NCOR2: variants seen among roughly 807,000 people sequenced by gnomAD.
NCOR2 encodes the protein nuclear receptor corepressor 2, also known as CTG repeat protein 26.
In NCOR2, 81 loss-of-function variants were observed where a neutral mutation model predicts 262.9. The observed-to-expected ratio is 0.31, with a 90% confidence interval of 0.26 to 0.37. The LOEUF is 0.37. Among genes scored for constraint, NCOR2 ranks in the 10% least tolerant of loss-of-function variants. The pLI, the probability that NCOR2 is intolerant of heterozygous loss-of-function variation, is 1.00. For missense variants in NCOR2, 3,385 were observed against 3,621.4 expected, an observed-to-expected ratio of 0.93 and a Z score of 1.68; for synonymous variants, 1,659 against 1,559.3, an observed-to-expected ratio of 1.06 and a Z score of -1.51.
At chr12:124,492,573 T>C (rs1454910213) in intron 1 of NCOR2, among the ~76,000 whole-genome samples, 1 of 152,138 alleles carries the variant, frequency 6.6e-6, no homozygotes, top group Non-Finnish European at 1.5e-5. Flanking sequence ...CAGAATGGCC[T>C]CGGCTACTGT....
At chr12:124,340,897 C>A in intron 34 of NCOR2, 146 bp from the exon 37 acceptor site, 1 of 755,646 alleles carries the variant, frequency 1.3e-6, no homozygotes, top group Non-Finnish European at 1.8e-6. Flanking sequence ...CGGCTCCCAG[C>A]ACCAGCCATG....
At chr12:124,449,737 A>G in intron 7 of NCOR2, 78 bp downstream of exon 9, 2 of 1,528,010 alleles carry the variant, frequency 1.3e-6, no homozygotes, top group South Asian at 2.3e-5. Flanking sequence ...CCCACGTCCC[A>G]CATCCCATGC....
chr12:124,442,605 A>G (rs996658287), intron 7 of NCOR2, among the ~76,000 whole-genome samples: 4 of 152,262 alleles, frequency 2.6e-5, no homozygotes, highest in African/African-American at 9.6e-5. Flanking sequence ...ACAAAAGAAG[A>G]GAGATAGAAT....
At chr12:124,539,879 CTCG>C (rs1283143667), upstream of NCOR2, among the ~76,000 whole-genome samples, 1 of 152,200 alleles carries the variant, frequency 6.6e-6, no homozygotes, top group African/African-American at 2.4e-5. This position sits in a 1 kb window ranked among gnomAD's most constrained non-coding sequence, Gnocchi z 5.1. Flanking sequence ...GCCAACCTGA[CTCG>C]TCCATTCGCC....
At chr12:124,518,492 G>A (rs975086901) in intron 1 of NCOR2, among the ~76,000 whole-genome samples, 13 of 152,336 alleles carry the variant, frequency 8.5e-5, no homozygotes, top group South Asian at 8.3e-4. Context: ...CGACAAGTGC[G>A]GGGCCGCCTG....
At chr12:124,425,534 C>T (rs958261413) in intron 11 of NCOR2, among the ~76,000 whole-genome samples, 1 of 152,002 alleles carries the variant, frequency 6.6e-6, no homozygotes, top group South Asian at 2.1e-4. Flanking sequence ...TTAGATTCCC[C>T]GGAATTATAG....
At chr12:124,423,210 C>T (rs529732037) in intron 11 of NCOR2, among the ~76,000 whole-genome samples, 3 of 152,242 alleles carry the variant, frequency 2.0e-5, no homozygotes, top group African/African-American at 7.2e-5. Context: ...GCCAAAGGAG[C>T]GGGAGCATGG....
chr12:124,404,275 G>C (rs1052684908), intron 13 of NCOR2, among the ~76,000 whole-genome samples: 1 of 152,192 alleles, frequency 6.6e-6, no homozygotes, highest in South Asian at 2.1e-4. Flanking sequence ...CATGGATGCC[G>C]TCTCCCCGGG....
chr12:124,418,407 G>C (rs146801141), intron 13 of NCOR2, among the ~76,000 whole-genome samples: 1 of 152,152 alleles, frequency 6.6e-6, no homozygotes, highest in Non-Finnish European at 1.5e-5. Flanking sequence ...CTGGGACCCC[G>C]CCCCCAACCC....
chr12:124,469,009 C>T lies in NCOR2; in HGVS notation c.592-2723G>A, dbSNP rs139814619. ...TCATCCTCATCACCCCCATCATCCTCATCCTCATCTGTCCATGTATGAACC... is the reference window on the plus strand; with the variant it reads ...TCATCCTCATCACCCCCATCATCCTTATCCTCATCTGTCCATGTATGAACC... On this transcript the variant is annotated intron_variant, in intron 4 of 46. Transcript: ENST00000405201. Among the ~76,000 whole-genome samples the T allele has an allele frequency of 1.5e-3, 222 of 145,350 alleles. 1 individual carries two copies. Among genetic ancestry groups the T allele is most frequent in the African/African-American group, 5.3e-3 (208 of 38,880 alleles).
rs147159254 is a variant in NCOR2, at chr12:124,521,105, CA to C, written c.-118+14459del. Among the ~76,000 whole-genome samples the C allele has an allele frequency of 8.9e-3, 1,359 of 152,270 alleles. 21 individuals are homozygous for C. Among genetic ancestry groups the C allele is most frequent in the African/African-American group, 0.03 (1,246 of 41,542 alleles). The stretch of plus-strand genomic sequence containing the variant: ...CAACAGAAACTACATGTGTGGGGCC[CA>C]GGGGGGAGGTGGGGGCCAGAACTCT... On this transcript the variant is annotated intron_variant, in intron 1 of 46. Transcript: ENST00000404621.
chr12:124,377,512 T>C (rs952412632), intron 18 of NCOR2, among the ~76,000 whole-genome samples: 4 of 152,206 alleles, frequency 2.6e-5, no homozygotes, highest in African/African-American at 7.2e-5. Context: ...GTTCTATTTA[T>C]GCTGGTTACC....
At chr12:124,507,762 G>C (rs576116625) in intron 1 of NCOR2, among the ~76,000 whole-genome samples, 12 of 152,336 alleles carry the variant, frequency 7.9e-5, no homozygotes, top group African/African-American at 2.9e-4. Flanking sequence ...CCTTCTCTCT[G>C]CCCACCAGTC....
At chr12:124,367,438 C>T (rs1042795731) in intron 20 of NCOR2, among the ~76,000 whole-genome samples, 2 of 152,088 alleles carry the variant, frequency 1.3e-5, no homozygotes, top group East Asian at 1.9e-4. Context: ...TTCAAGTTCT[C>T]GAGGGGAACG....
Position 124,493,997 on chromosome 12 carries a change from G to A in NCOR2, c.105+1150C>T, listed in dbSNP as rs566798196. 7.9e-5 allele frequency among the ~76,000 whole-genome samples: 12 copies of A among 152,282 alleles called. No individual in the cohort carries two copies. The East Asian group carries it at 2.1e-3, about 27-fold the overall frequency. On this transcript the variant is annotated intron_variant, in intron 1 of 46. Coordinates refer to ENST00000405201, the Ensembl canonical transcript of NCOR2. ...GGAGAATGCAATGACTCTGCCCAGG[G>A]AACTGCCGTCCTAAGAGGGATCCAC...
chr12:124,440,632 A>C lies in NCOR2; in HGVS notation c.816-2636T>G, dbSNP rs2044751663. Among the ~76,000 whole-genome samples, 1 of 152,248 alleles carries C rather than the reference A, an allele frequency of 6.6e-6. No homozygotes were observed. Among genetic ancestry groups the C allele is most frequent in the African/African-American group, 2.4e-5 (1 of 41,472 alleles). ...CCAGGCACTGTTCCAGGTGCTGGGGACACAGCAGGGAGCAAGACACAGTTG... is the reference window on the plus strand; with the variant it reads ...CCAGGCACTGTTCCAGGTGCTGGGGCCACAGCAGGGAGCAAGACACAGTTG... On this transcript the variant is annotated intron_variant, in intron 7 of 46. Transcript: ENST00000405201. The surrounding 1 kb of genome is among the most constrained non-coding windows in gnomAD (Gnocchi z 5.7).
chr12:124,372,730 G>T, intron 19 of NCOR2, 120 bp from the exon 22 acceptor site: 1 of 847,070 alleles, frequency 1.2e-6, no homozygotes, highest in Non-Finnish European at 1.8e-6. Flanking sequence ...ACAGCCCCGA[G>T]GCTCCTACAC....
Position 124,378,220 on chromosome 12 carries a change from G to A in NCOR2, c.2167+17C>T. 1 of 1,609,816 alleles carries A rather than the reference G, an allele frequency of 6.2e-7. No individual in the cohort carries two copies. Among genetic ancestry groups the A allele is most frequent in the Non-Finnish European group, 8.5e-7 (1 of 1,177,112 alleles). On this transcript the variant is annotated intron_variant, in intron 18 of 46. Transcript: ENST00000405201. This position sits in a 1 kb window ranked among gnomAD's most constrained non-coding sequence, Gnocchi z 4.2. Reference sequence around the variant, plus strand: ...ACCCACAGCTGCCAGCCACCTCCAAGCCGCGCCAGCCCTCACCTTCAGCCT... The same window carrying A: ...ACCCACAGCTGCCAGCCACCTCCAAACCGCGCCAGCCCTCACCTTCAGCCT...
chr12:124,336,657 T>C, intron 38 of NCOR2, 96 bp downstream of exon 40: 12 of 1,524,090 alleles, frequency 7.9e-6, no homozygotes, highest in Non-Finnish European at 1.1e-5. Flanking sequence ...GGGGAGCCGT[T>C]GGCCAGCGCA....
Sources: allele counts gnomAD v4.1 joint callset (sites outside exome capture counted in the v4.1 genomes callset), GRCh38; gene constraint gnomAD v4.1.1; non-coding constraint Gnocchi (gnomAD v3.1); transcripts MANE v1.5; gene names NCBI Gene and HGNC (gene_info 2026-07-23, HGNC 2026-07-21).